SRRM1: variants seen among roughly 807,000 people sequenced by gnomAD.
SRRM1 encodes the protein serine and arginine repetitive matrix 1.
A neutral mutation model predicts 110.2 loss-of-function variants in SRRM1; 19 were observed. That is an observed-to-expected ratio of 0.17 (90% CI 0.12 to 0.25). SRRM1 has a LOEUF of 0.25. Ranked by LOEUF, SRRM1 falls within the 10% of genes least tolerant of loss-of-function variation. SRRM1 has a pLI of 1.00. For missense variants in SRRM1, 918 were observed against 1,145.8 expected (o/e 0.80, Z 2.87); for synonymous variants, 443 against 414.9 (o/e 1.07, Z -0.82).
At chr1:24,659,910 T>C (rs202219812) in intron 9 of SRRM1, among the ~76,000 whole-genome samples, 2 of 152,354 alleles carry the variant, frequency 1.3e-5, no homozygotes, top group Admixed American at 6.5e-5. Flanking sequence ...TTGGAAAGAA[T>C]CCTCGTCTTT....
At chr1:24,671,831 AAT>A (rs1483124348) in intron 16 of SRRM1, among the ~76,000 whole-genome samples, 1 of 151,644 alleles carries the variant, frequency 6.6e-6, no homozygotes, top group East Asian at 1.9e-4. Context: ...ATTTATTTAA[AAT>A]ATTAACTATC....
At position 24,662,109 on chromosome 1, in the gene SRRM1, T is replaced by A. The variant is rs139952087; in HGVS notation, c.1484-551T>A. Among the ~76,000 whole-genome samples the A allele has an allele frequency of 5.4e-3, 817 of 152,124 alleles. 3 individuals are homozygous for A. The highest frequency in any genetic ancestry group is 0.019 in the African/African-American group (773 of 41,516). On this transcript the variant is annotated intron_variant, in intron 11 of 16. Transcript: ENST00000323848. ...CAAGGCTTTGTTTCCACAAAAAAAA[T>A]AATAATAATCTACCCTATTATTTTA...
intron 8 of SRRM1, among the ~76,000 whole-genome samples, chr1:24,653,345 T>A (rs1326688078): frequency 2.6e-5 from 4 of 152,236 alleles, no homozygotes; most frequent in African/African-American, 9.6e-5. Flanking sequence ...GGCTTTTAAC[T>A]GGCTTCTGAA....
intron 14 of SRRM1, 149 bp from the exon 15 acceptor site, chr1:24,669,971 G>A (rs1393373836): frequency 2.7e-6 from 2 of 740,568 alleles, no homozygotes; most frequent in East Asian, 2.7e-5. Context: ...CATAGGTAAT[G>A]TAAATTGGAT....
chr1:24,653,182 T>G (rs1406874462), intron 8 of SRRM1, 150 bp downstream of exon 8: 1 of 745,612 alleles, frequency 1.3e-6, no homozygotes, highest in Non-Finnish European at 2.0e-6. Context: ...TCATTTGAAG[T>G]GTAATGCAGT....
chr1:24,659,519 T>C (rs1666055242), intron 9 of SRRM1, among the ~76,000 whole-genome samples: 1 of 152,246 alleles, frequency 6.6e-6, no homozygotes, highest in African/African-American at 2.4e-5. Context: ...TAATTTATGG[T>C]ATATATATGT....
intron 9 of SRRM1, among the ~76,000 whole-genome samples, chr1:24,658,335 C>G (rs148449912): frequency 3.3e-5 from 5 of 151,576 alleles, no homozygotes; most frequent in Admixed American, 6.6e-5. Flanking sequence ...CTCAGCCTCA[C>G]GAGTAGCTGG....
At chr1:24,652,679 C>G in intron 7 of SRRM1, 51 bp downstream of exon 7, 1 of 1,473,204 alleles carries the variant, frequency 6.8e-7, no homozygotes, top group Non-Finnish European at 9.2e-7. Context: ...ATATACTACT[C>G]TACTGGGTAC....
intron 14 of SRRM1, 131 bp downstream of exon 14, chr1:24,669,718 T>C: frequency 1.3e-6 from 1 of 751,856 alleles, no homozygotes; most frequent in Non-Finnish European, 2.1e-6. Context: ...AGGTACTATT[T>C]ACAGATCTTA....
At position 24,650,015 on chromosome 1, in the gene SRRM1, CAAAGAT is replaced by C. The variant is rs760499610; in HGVS notation, c.454_459del (p.Asp152_Lys153del). The C allele has an allele frequency of 5.0e-6, 8 of 1,594,150 alleles. No individual in the cohort carries two copies. Among genetic ancestry groups the C allele is most frequent in the Non-Finnish European group, 6.0e-6 (7 of 1,170,788 alleles). On this transcript the variant is annotated inframe_deletion, in exon 5 of 17. Coordinates refer to ENST00000323848, the MANE Select transcript of SRRM1 (RefSeq NM_005839.4). ...CATCTATGAAAAAGCAAGATGAAGA[CAAAGAT>C]AAAAGAGATAAGGAAGAAAAAGAAA...
chr1:24,649,873 AATG>A (rs1005224732), intron 4 of SRRM1, 95 bp from the exon 5 acceptor site: 2 of 1,087,070 alleles, frequency 1.8e-6, no homozygotes, highest in African/African-American at 1.6e-5. Flanking sequence ...AGGCCGATGA[AATG>A]ATAATAGCAT....
In SRRM1 at chr1:24,670,233, C is replaced by T; in HGVS notation, c.2318C>T (p.Ser773Phe). The change falls in exon 15 of 17, where the codon TCT becomes TTT. Residue 773 changes from serine to phenylalanine, a missense_variant. Coordinates refer to ENST00000323848, the MANE Select transcript of SRRM1 (RefSeq NM_005839.4). ...KPPAPPSPVQ[S>F]QSPSTNWSPA... ...CCAGCACCTCCATCCCCCGTCCAGT[C>T]TCAGTCACCGTCTACAAACTGGTCA... 6.2e-7 allele frequency: 1 copy of T among 1,614,150 alleles called. No homozygotes were observed. Among genetic ancestry groups the T allele is most frequent in the Non-Finnish European group, 8.5e-7 (1 of 1,180,020 alleles).
chr1:24,668,779 C>G (rs547313051), intron 13 of SRRM1, among the ~76,000 whole-genome samples: 2 of 152,280 alleles, frequency 1.3e-5, no homozygotes, highest in East Asian at 1.9e-4. Flanking sequence ...AACTGATGTT[C>G]AGTTAATACA....
chr1:24,660,603 A>T, intron 9 of SRRM1, 116 bp from the exon 10 acceptor site: 1 of 454,316 alleles, frequency 2.2e-6, no homozygotes, highest in Non-Finnish European at 3.9e-6. Flanking sequence ...TGACTAATAT[A>T]GTGAGACCCC....
At chr1:24,645,812 A>G (rs891607513) in intron 1 of SRRM1, among the ~76,000 whole-genome samples, 172 bp from the exon 2 acceptor site, 1 of 152,246 alleles carries the variant, frequency 6.6e-6, no homozygotes, top group Admixed American at 6.5e-5. Flanking sequence ...AATCCAGTCA[A>G]GTTTTCCAAG....
In SRRM1 at chr1:24,670,407, G is replaced by T. The variant is rs878872742; in HGVS notation, c.2400+92G>T. 18 of 1,330,970 alleles carry T rather than the reference G, an allele frequency of 1.4e-5. No individual in the cohort carries two copies. The Admixed American group carries it at 4.3e-4, about 32-fold the overall frequency. The allele number at this position is 1,330,970 out of a possible 1,614,324, so 82.4% of individuals were successfully genotyped here. A position where few individuals can be genotyped will look rare whatever the true frequency, so the allele number is the denominator to read the frequency against. On this transcript the variant is annotated intron_variant, in intron 15 of 16. Coordinates refer to ENST00000323848, the MANE Select transcript of SRRM1 (RefSeq NM_005839.4). ...AATGTCATTGGGGCATTAAAATATTGGTGTTTAAACTTTTTTTCCCATTTG... is the reference window on the plus strand; with the variant it reads ...AATGTCATTGGGGCATTAAAATATTTGTGTTTAAACTTTTTTTCCCATTTG...
rs1413669738 is a variant in SRRM1 at position 24,670,883 on chromosome 1, TAA to T, written c.2401-501_2401-500del. On this transcript the variant is annotated intron_variant, in intron 15 of 16. Transcript: ENST00000323848. The stretch of plus-strand genomic sequence containing the variant: ...AAATTATAGGAGCCTGCTTTTTGCA[TAA>T]ATTTGGTATGTGTGTCATGAGGAAG... 2.0e-4 allele frequency among the ~76,000 whole-genome samples: 31 copies of T among 152,238 alleles called. No homozygotes were observed. In the East Asian group the frequency reaches 6.1e-3, roughly 30 times the overall value.
Position 24,651,397 on chromosome 1 carries a change from CT to C in SRRM1, c.522-9del. ...TTATTTAAAAACCTGAAAAAAATTA[CT>C]TTCATCCTAGACGCAAATCCAGATC... On this transcript the variant is annotated splice_polypyrimidine_tract_variant and intron_variant, in intron 5 of 16. Transcript: ENST00000323848. 6.2e-7 allele frequency: 1 copy of C among 1,609,684 alleles called. No individual in the cohort carries two copies. Among genetic ancestry groups the C allele is most frequent in the Non-Finnish European group, 8.5e-7 (1 of 1,177,924 alleles).
chr1:24,666,984 A>C, intron 13 of SRRM1, 59 bp downstream of exon 13: 3 of 994,988 alleles, frequency 3.0e-6, no homozygotes, highest in Non-Finnish European at 4.6e-6. Context: ...CCCTGATAAC[A>C]TCAGATGAGT....
Sources: gnomAD v4.1 joint callset for allele counts (sites outside exome capture counted in the v4.1 genomes callset) on GRCh38, gnomAD v4.1.1 for gene constraint, MANE v1.5 for transcripts, NCBI Gene and HGNC (gene_info 2026-07-23, HGNC 2026-07-21) for gene names.